CNTN4: variants seen among roughly 807,000 people sequenced by gnomAD.
CNTN4 encodes the protein contactin-4.
Under a neutral mutation model 122.5 loss-of-function variants are expected in CNTN4, and 77 were observed. The observed-to-expected ratio is 0.63, with a 90% confidence interval of 0.52 to 0.76. The LOEUF is 0.76. CNTN4 is among the 30% of genes least tolerant of loss of function. The pLI is 0.00. For synonymous variants in CNTN4, 512 were observed against 447.0 expected (o/e 1.15, Z -1.83); for missense variants, 1,256 against 1,259.1 (o/e 1.00, Z 0.04).
At chr3:2,211,780 C>T (rs1288476113) in intron 2 of CNTN4, among the ~76,000 whole-genome samples, 1 of 152,116 alleles carries the variant, frequency 6.6e-6, no homozygotes, top group African/African-American at 2.4e-5. Flanking sequence ...CCCATTTAGT[C>T]AGTCAAATTA....
chr3:2,365,490 A>G (rs1194587102), intron 3 of CNTN4, among the ~76,000 whole-genome samples: 1 of 152,140 alleles, frequency 6.6e-6, no homozygotes, highest in African/African-American at 2.4e-5. Flanking sequence ...ATCTTTTCAA[A>G]CTCTGTTCTA....
chr3:3,007,110 T>A (rs1262228201), intron 14 of CNTN4, among the ~76,000 whole-genome samples: 3 of 152,036 alleles, frequency 2.0e-5, no homozygotes, highest in Non-Finnish European at 4.4e-5. Context: ...AGTAAATCAT[T>A]ACTGTATATC....
intron 2 of CNTN4, among the ~76,000 whole-genome samples, chr3:2,125,386 T>C (rs564159681): frequency 6.8e-6 from 1 of 147,710 alleles, no homozygotes; most frequent in Non-Finnish European, 1.5e-5. Context: ...ACGTTTTCTT[T>C]ATTCATTTAT....
At chr3:2,578,028 T>C (rs1288917459) in intron 4 of CNTN4, among the ~76,000 whole-genome samples, 1 of 152,210 alleles carries the variant, frequency 6.6e-6, no homozygotes, top group Non-Finnish European at 1.5e-5. Context: ...AGAAAGATCC[T>C]GTATAATTCA....
At chr3:2,340,785 T>C (rs542804413) in intron 3 of CNTN4, among the ~76,000 whole-genome samples, 1 of 148,082 alleles carries the variant, frequency 6.8e-6, no homozygotes, top group East Asian at 2.1e-4. Flanking sequence ...TTTCATGAGC[T>C]AAGGTTGAGT....
chr3:2,887,564 T>C lies in CNTN4; in HGVS notation c.940+340T>C, dbSNP rs561452707. Among the ~76,000 whole-genome samples the C allele has an allele frequency of 2.6e-5, 4 of 152,160 alleles. No homozygotes were observed. The South Asian group carries it at 6.2e-4, about 24-fold the overall frequency. ...TTTTATTATTCCTACTCCTGATTTA[T>C]CTTTTTTTTTTTAAGCTCTGTGCTT... On this transcript the variant is annotated intron_variant, in intron 10 of 24. Transcript: ENST00000418658.
chr3:2,234,263 A>T (rs1488146702), intron 2 of CNTN4, among the ~76,000 whole-genome samples: 1 of 150,704 alleles, frequency 6.6e-6, no homozygotes, highest in Non-Finnish European at 1.5e-5. Flanking sequence ...CTGTAATCCC[A>T]GCTACTTGGG....
intron 12 of CNTN4, among the ~76,000 whole-genome samples, chr3:2,904,659 C>G (rs909271303): frequency 1.3e-5 from 2 of 152,290 alleles, no homozygotes; most frequent in Admixed American, 6.5e-5. Flanking sequence ...TTCCCTTCTG[C>G]CCGGATTTGC....
intron 3 of CNTN4, among the ~76,000 whole-genome samples, chr3:2,480,137 C>CG (rs2075949000): frequency 8.0e-6 from 1 of 125,268 alleles, no homozygotes; most frequent in Admixed American, 7.6e-5. Flanking sequence ...TAAAGAATAT[C>CG]TAAAAAAAAC....
At chr3:2,976,867 CTTTT>C (rs1302472487) in intron 13 of CNTN4, among the ~76,000 whole-genome samples, 1 of 144,414 alleles carries the variant, frequency 6.9e-6, no homozygotes, top group Admixed American at 6.9e-5. Flanking sequence ...CAAAACAAGT[CTTTT>C]TTTTTTTTTC....
chr3:2,791,548 T>C (rs1435576810), intron 6 of CNTN4, among the ~76,000 whole-genome samples: 1 of 149,580 alleles, frequency 6.7e-6, no homozygotes, highest in African/African-American at 2.5e-5. Context: ...AAAAAAAAGA[T>C]TTAGAAACTG....
chr3:3,051,066 T>A (rs952734220), intron 23 of CNTN4, among the ~76,000 whole-genome samples: 25 of 152,186 alleles, frequency 1.6e-4, no homozygotes, highest in African/African-American at 5.1e-4. Context: ...TGCAATTTTT[T>A]AAAAGTTCAT....
chr3:2,493,771 A>G (rs1313787237), intron 3 of CNTN4, among the ~76,000 whole-genome samples: 1 of 152,124 alleles, frequency 6.6e-6, no homozygotes, highest in Non-Finnish European at 1.5e-5. Flanking sequence ...ACTAACCAGA[A>G]CTATTATGGG....
intron 4 of CNTN4, among the ~76,000 whole-genome samples, chr3:2,714,883 T>G (rs1257364580): frequency 6.6e-6 from 1 of 152,148 alleles, no homozygotes; most frequent in Non-Finnish European, 1.5e-5. Flanking sequence ...GTTACAGGCA[T>G]GAGGCACCAC....
At chr3:2,872,720 T>G (rs2093800743) in intron 8 of CNTN4, among the ~76,000 whole-genome samples, 1 of 152,182 alleles carries the variant, frequency 6.6e-6, no homozygotes, top group African/African-American at 2.4e-5. Context: ...CTCTCCTCCA[T>G]TTCTATATTT....
chr3:2,735,939 G>T (rs1414260495), intron 4 of CNTN4: 1 of 561,988 alleles, frequency 1.8e-6, no homozygotes, highest in African/African-American at 1.9e-5. Flanking sequence ...ATACATAGAA[G>T]AGAGAAAGGG....
At chr3:2,563,704 A>C (rs1443408412) in intron 3 of CNTN4, among the ~76,000 whole-genome samples, 2 of 152,180 alleles carry the variant, frequency 1.3e-5, no homozygotes, top group African/African-American at 4.8e-5. Flanking sequence ...AGAAGACTAG[A>C]ACCATTCATG....
At chr3:3,042,920 C>T in intron 21 of CNTN4, 57 bp from the exon 22 acceptor site, 2 of 1,381,152 alleles carry the variant, frequency 1.4e-6, no homozygotes, top group Admixed American at 3.4e-5. Context: ...TACCTGATGA[C>T]ATTGCAAATA....
intron 6 of CNTN4, among the ~76,000 whole-genome samples, chr3:2,818,650 C>G (rs1451959108): frequency 6.6e-6 from 1 of 152,188 alleles, no homozygotes; most frequent in Non-Finnish European, 1.5e-5. Flanking sequence ...AATAATATGT[C>G]TCACTTTATT....
Sources: allele counts gnomAD v4.1 joint callset (sites outside exome capture counted in the v4.1 genomes callset), GRCh38; gene constraint gnomAD v4.1.1; transcripts MANE v1.5; gene names NCBI Gene and HGNC (gene_info 2026-07-23, HGNC 2026-07-21).